BRCA1: variants seen among roughly 807,000 people sequenced by gnomAD.
BRCA1 encodes breast cancer type 1 susceptibility protein.
Under a neutral mutation model 173.7 loss-of-function variants are expected in BRCA1, and 140 were observed. The observed-to-expected ratio is 0.81, with a 90% CI of 0.70 to 0.93. BRCA1 has a LOEUF of 0.93. Among genes scored for constraint, BRCA1 ranks in the 40% least tolerant of loss-of-function variants. The pLI is 0.00. For missense variants in BRCA1, 1,983 were observed against 2,172.5 expected (o/e 0.91, Z 1.73); for synonymous variants, 662 against 756.0 (o/e 0.88, Z 2.04).
At chr17:43,130,991 G>A (rs2055960090) in intron 1 of BRCA1, among the ~76,000 whole-genome samples, 1 of 152,112 alleles carries the variant, frequency 6.6e-6, no homozygotes, top group Admixed American at 6.6e-5. Flanking sequence ...ACTTTTTCCT[G>A]GGTTGTTAAT....
chr17:43,074,589 G>A (rs1406666349), intron 13 of BRCA1, 68 bp from the exon 14 acceptor site: 1 of 1,393,386 alleles, frequency 7.2e-7, no homozygotes, highest in Non-Finnish European at 1.0e-6. Flanking sequence ...TACTTGCTGG[G>A]CAGCCAAAGC....
chr17:43,129,013 C>T (rs1424215743), upstream of BRCA1, among the ~76,000 whole-genome samples: 5 of 151,928 alleles, frequency 3.3e-5, no homozygotes, highest in South Asian at 4.2e-4. Context: ...AACCAAAGTT[C>T]GGGTTGCCAG....
chr17:43,136,687 CTCA>C (rs543703321), intron 1 of BRCA1, among the ~76,000 whole-genome samples: 273 of 152,282 alleles, frequency 1.8e-3, no homozygotes, highest in African/African-American at 6.2e-3. Flanking sequence ...TGGAAAAATG[CTCA>C]TCATCACTGG....
intron 1 of BRCA1, among the ~76,000 whole-genome samples, chr17:43,158,202 G>A (rs2056210205): frequency 6.6e-6 from 1 of 152,098 alleles, no homozygotes; most frequent in Non-Finnish European, 1.5e-5. Flanking sequence ...TCTGTCCCAT[G>A]GAAATGTAAT....
chr17:43,086,204 G>C (rs1434600623), intron 11 of BRCA1, among the ~76,000 whole-genome samples: 1 of 150,206 alleles, frequency 6.7e-6, no homozygotes, highest in Non-Finnish European at 1.5e-5. Context: ...CTCACTACTT[G>C]ATTTACATTG....
rs547204407 is a variant in BRCA1 at position 43,082,118 on chromosome 17, T to G, written c.4357+286A>C. On this transcript the variant is annotated intron_variant, in intron 12 of 22. Coordinates refer to ENST00000357654, the MANE Select transcript of BRCA1 (RefSeq NM_007294.4). ...TGTCACCAATTTCTCCCATTCCACTTAGCTTCCAATAGAGCAAGAGCTATG... is the reference window on the plus strand; with the variant it reads ...TGTCACCAATTTCTCCCATTCCACTGAGCTTCCAATAGAGCAAGAGCTATG... Among the ~76,000 whole-genome samples the G allele has an allele frequency of 2.6e-5, 4 of 152,342 alleles. No individual in the cohort carries two copies. The South Asian group carries it at 8.3e-4, about 32-fold the overall frequency.
chr17:43,147,829 G>C (rs766475147), intron 1 of BRCA1, among the ~76,000 whole-genome samples: 1 of 151,976 alleles, frequency 6.6e-6, no homozygotes, highest in Non-Finnish European at 1.5e-5. Context: ...CCAACACCTG[G>C]TGGCCTTCCC....
In BRCA1 at chr17:43,125,313, C is replaced by T. The variant is rs776540382; in HGVS notation, c.-62G>A. 4.2e-5 allele frequency: 19 copies of T among 455,944 alleles called. No individual in the cohort carries two copies. The highest frequency in any genetic ancestry group is 7.9e-5 in the Non-Finnish European group (18 of 226,816). The allele number at this position is 455,944 out of a possible 1,614,324, so 28.2% of individuals were successfully genotyped here. A position where few individuals can be genotyped will look rare whatever the true frequency, so the allele number is the denominator to read the frequency against. ...GGTGAAGGCCTCCTGAGCGCAGGGGCCCAGTTATCTGAGAAACCCCACAGC... is the reference window on the plus strand; with the variant it reads ...GGTGAAGGCCTCCTGAGCGCAGGGGTCCAGTTATCTGAGAAACCCCACAGC... On this transcript the variant is annotated 5_prime_UTR_variant, in exon 1 of 23. Transcript: ENST00000357654.
chr17:43,070,814 G>T, intron 15 of BRCA1, 114 bp downstream of exon 15: 1 of 1,241,742 alleles, frequency 8.1e-7, no homozygotes, highest in Non-Finnish European at 1.2e-6. Context: ...ACAGAACTGT[G>T]ATTGTTTTCT....
chr17:43,137,376 T>C (rs967501239), intron 1 of BRCA1, among the ~76,000 whole-genome samples: 1 of 151,050 alleles, frequency 6.6e-6, no homozygotes, highest in African/African-American at 2.4e-5. Context: ...TGTATACCTA[T>C]GTAACAAACC....
chr17:43,100,620 C>A (rs1301808577), intron 6 of BRCA1, among the ~76,000 whole-genome samples: 12 of 11,924 alleles, frequency 1.0e-3, no homozygotes, highest in East Asian at 2.8e-3. Context: ...ATATATATAA[C>A]ATATATATAT....
intron 6 of BRCA1, among the ~76,000 whole-genome samples, chr17:43,101,142 T>G (rs2054456184): frequency 6.6e-6 from 1 of 152,004 alleles, no homozygotes; most frequent in Admixed American, 6.6e-5. Context: ...TTTTCCTTCC[T>G]TTTTAGCTCT....
chr17:43,120,802 G>A (rs528175816), intron 2 of BRCA1, among the ~76,000 whole-genome samples: 3 of 151,804 alleles, frequency 2.0e-5, no homozygotes, highest in African/African-American at 7.3e-5. Context: ...TAAGCCAGGC[G>A]CAGTGGCTCA....
chr17:43,154,525 GCTA>G (rs1194708209), intron 1 of BRCA1, among the ~76,000 whole-genome samples: 1 of 151,972 alleles, frequency 6.6e-6, no homozygotes, highest in African/African-American at 2.4e-5. Flanking sequence ...GGGTGACAGA[GCTA>G]GACTCTGTCT....
In BRCA1 at chr17:43,051,638, C is replaced by CT. The variant is rs1163251551; in HGVS notation, c.5278-522dup. On this transcript the variant is annotated intron_variant, in intron 19 of 22. Coordinates refer to ENST00000357654, the MANE Select transcript of BRCA1 (RefSeq NM_007294.4). ...TGTACATGCTCCTTGTCTCCTCTGA[C>CT]TTTTTTTTTTTTTTTTGAGACGGAG... is the stretch of plus-strand genomic sequence containing the variant. 5.9e-3 allele frequency among the ~76,000 whole-genome samples: 834 copies of CT among 141,094 alleles called. 6 individuals carry two copies. The highest frequency in any genetic ancestry group is 0.014 in the African/African-American group (523 of 38,714). 92.6% of individuals were successfully genotyped at this position (141,094 alleles called of 152,430 possible).
chr17:43,073,571 A>C (rs2052549539), intron 14 of BRCA1, among the ~76,000 whole-genome samples: 1 of 152,150 alleles, frequency 6.6e-6, no homozygotes, highest in African/African-American at 2.4e-5. Flanking sequence ...ACAAGCCATA[A>C]AACACCATTC....
intron 12 of BRCA1, among the ~76,000 whole-genome samples, chr17:43,077,613 C>T (rs2052797571): frequency 6.6e-6 from 1 of 152,136 alleles, no homozygotes; most frequent in African/African-American, 2.4e-5. Context: ...GGATTACAGA[C>T]ATGAGCCACT....
At position 43,135,255 on chromosome 17, in the gene BRCA1, C is replaced by G. The variant is rs545791573; in HGVS notation, c.-19-11140G>C. Among the ~76,000 whole-genome samples the G allele has an allele frequency of 3.3e-4, 50 of 152,328 alleles. 1 individual carries two copies. The Middle Eastern group carries it at 0.024, about 73-fold the overall frequency. On this transcript the variant is annotated intron_variant, in intron 1 of 7. Transcript: ENST00000634433. Reference sequence around the variant, plus strand: ...CCTCGGTCCAAAAGGATCGGAGCCCCCTGGCCGATCCGCAGGCCTGCAGGG... The same window carrying G: ...CCTCGGTCCAAAAGGATCGGAGCCCGCTGGCCGATCCGCAGGCCTGCAGGG...
Position 43,091,697 on chromosome 17 carries a change from C to T in BRCA1, c.3834G>A (p.Lys1278=), listed in dbSNP as rs876660942. The change falls in exon 10 of 23, where the codon AAG becomes AAA. Residue 1278 remains lysine, a synonymous_variant. Transcript: ENST00000357654. The part of the protein sequence containing the change: ...NDCSNQVILA[K]ASQEHHLSEE... ...CACTAAGGTGATGTTCCTGAGATGC[C>T]TTTGCCAATATTACCTGGTTACTGC... The T allele has an allele frequency of 1.2e-6, 2 of 1,614,178 alleles. No individual in the cohort carries two copies. Among genetic ancestry groups the T allele is most frequent in the South Asian group, 1.1e-5 (1 of 91,086 alleles).
Sources: gnomAD v4.1 joint callset for allele counts (sites outside exome capture counted in the v4.1 genomes callset) on GRCh38, gnomAD v4.1.1 for gene constraint, MANE v1.5 for transcripts, NCBI Gene and HGNC (gene_info 2026-07-23, HGNC 2026-07-21) for gene names.